The following CCDC92 variants were observed in gnomAD, a reference collection of about 807,000 sequenced individuals.
The protein encoded by CCDC92 is coiled-coil domain-containing protein 92.
A neutral mutation model predicts 24.9 loss-of-function variants in CCDC92; 12 were observed. That is an observed-to-expected ratio of 0.48 (90% confidence interval 0.31 to 0.78). The LOEUF is 0.78. Among genes scored for constraint, CCDC92 ranks in the 30% least tolerant of loss-of-function variants. The pLI, the probability that CCDC92 is intolerant of heterozygous loss-of-function variation, is 0.05. For synonymous variants in CCDC92, 193 were observed against 196.3 expected (o/e 0.98, Z 0.14); for missense variants, 399 against 439.4 (o/e 0.91, Z 0.82).
intron 1 of CCDC92, chr12:123,968,488 T>C (rs993566249): frequency 6.6e-6 from 1 of 152,226 alleles, no homozygotes; most frequent in Non-Finnish European, 1.5e-5. Context: ...ATCTGTGATT[T>C]TTTTTCCTGA....
At chr12:123,962,470 GACAA>G (rs933719041) in intron 1 of CCDC92, 2 of 152,152 alleles carry the variant, frequency 1.3e-5, no homozygotes, top group Non-Finnish European at 2.9e-5. Context: ...CTTTTTTGAA[GACAA>G]ACACTTTTAA....
intron 1 of CCDC92, among the ~76,000 whole-genome samples, chr12:123,955,031 C>T (rs1956118671): frequency 6.6e-6 from 1 of 152,232 alleles, no homozygotes; most frequent in African/African-American, 2.4e-5. Flanking sequence ...CCTTCCTGCC[C>T]TCCGTGCATC....
intron 1 of CCDC92, chr12:123,966,451 T>C (rs1274960437): frequency 6.6e-6 from 1 of 152,180 alleles, no homozygotes. Flanking sequence ...TTTTGAGAAA[T>C]AGCTAAGTCT....
chr12:123,960,912 A>G (rs947294063), intron 1 of CCDC92: 4 of 152,164 alleles, frequency 2.6e-5, no homozygotes, highest in African/African-American at 9.7e-5. Context: ...TTGCTTTTTA[A>G]AGTTTACAAG....
At chr12:123,969,335 A>G (rs1956466401) in intron 1 of CCDC92, among the ~76,000 whole-genome samples, 1 of 152,174 alleles carries the variant, frequency 6.6e-6, no homozygotes, top group Non-Finnish European at 1.5e-5. Context: ...CATCCAATGC[A>G]ACTTAATGTA....
intron 1 of CCDC92, among the ~76,000 whole-genome samples, chr12:123,953,773 G>A (rs573955846): frequency 3.5e-4 from 45 of 130,210 alleles, no homozygotes; most frequent in African/African-American, 1.1e-3. Context: ...GCAAGACTCC[G>A]TCTCAAAAAC....
intron 1 of CCDC92, chr12:123,966,691 A>T (rs1277670573): frequency 6.6e-6 from 1 of 152,252 alleles, no homozygotes; most frequent in Non-Finnish European, 1.5e-5. Context: ...GGAATGGCTA[A>T]TTTGCTGCTT....
chr12:123,961,023 A>C (rs1438646765), intron 1 of CCDC92: 2 of 152,248 alleles, frequency 1.3e-5, no homozygotes, highest in African/African-American at 4.8e-5. Context: ...CTGTGTACTC[A>C]GTCCTATGCT....
At chr12:123,952,789 A>G (rs1001335227) in intron 1 of CCDC92, among the ~76,000 whole-genome samples, 1 of 152,272 alleles carries the variant, frequency 6.6e-6, no homozygotes, top group South Asian at 2.1e-4. Context: ...GTGGAAGCAA[A>G]AAGTAGAAGG....
chr12:123,940,607 T>A (rs1022364548), intron 4 of CCDC92, among the ~76,000 whole-genome samples: 1 of 152,134 alleles, frequency 6.6e-6, no homozygotes, highest in Non-Finnish European at 1.5e-5. Flanking sequence ...CCACTCCACC[T>A]CCTCCTCTGT....
intron 1 of CCDC92, among the ~76,000 whole-genome samples, chr12:123,967,233 T>A (rs1406929493): frequency 6.6e-6 from 1 of 151,670 alleles, no homozygotes; most frequent in African/African-American, 2.4e-5. Context: ...TCTATTCTAC[T>A]AGAACGTTCT....
At chr12:123,964,113 T>TCCA (rs1956336777) in intron 1 of CCDC92, among the ~76,000 whole-genome samples, 1 of 152,216 alleles carries the variant, frequency 6.6e-6, no homozygotes, top group Admixed American at 6.5e-5. Flanking sequence ...AAGTAATTAG[T>TCCA]GCTGCGCTGG....
At chr12:123,942,103 TA>T (rs1955702666) in intron 4 of CCDC92, among the ~76,000 whole-genome samples, 1 of 152,238 alleles carries the variant, frequency 6.6e-6, no homozygotes, top group Non-Finnish European at 1.5e-5. Context: ...CACCCTGTTT[TA>T]GGGAGCAGGC....
Position 123,971,440 on chromosome 12 carries a change from AGTC to A in CCDC92, c.-60+1086_-60+1088del, listed in dbSNP as rs984152167. On this transcript the variant is annotated intron_variant, in intron 1 of 4. Transcript: ENST00000238156. ...ATGAGCAAAAAAAAAAAAAAAGAAAAGTCGTTTTATCAATACCAATGCTCTTTA... is the reference window on the plus strand; with the variant it reads ...ATGAGCAAAAAAAAAAAAAAAGAAAAGTTTTATCAATACCAATGCTCTTTA... 110 of 152,250 alleles carry A rather than the reference AGTC, an allele frequency of 7.2e-4. 1 individual carries two copies. The highest frequency in any genetic ancestry group is 2.6e-3 in the African/African-American group (106 of 41,556). The allele number at this position is 152,250 out of a possible 1,614,324, so 9.4% of individuals were successfully genotyped here.
intron 2 of CCDC92, 47 bp from the exon 3 acceptor site, chr12:123,943,540 G>A: frequency 6.2e-7 from 1 of 1,609,264 alleles, no homozygotes; most frequent in Middle Eastern, 1.7e-4. Flanking sequence ...GAGGGTCCCA[G>A]GGCTGCCTGC....
intron 1 of CCDC92, chr12:123,966,024 T>C (rs1956384987): frequency 6.6e-6 from 1 of 152,234 alleles, no homozygotes; most frequent in Non-Finnish European, 1.5e-5. Flanking sequence ...CTTTAGTAAT[T>C]TCACTGGGTA....
intron 1 of CCDC92, chr12:123,966,706 C>G (rs902399821): frequency 3.9e-5 from 6 of 152,270 alleles, no homozygotes; most frequent in African/African-American, 1.4e-4. Flanking sequence ...CTGCTTTCCA[C>G]TTAAATTTCA....
chr12:123,940,451 G>A (rs1319757056), intron 4 of CCDC92, among the ~76,000 whole-genome samples: 5 of 152,094 alleles, frequency 3.3e-5, no homozygotes, highest in Admixed American at 1.3e-4. Flanking sequence ...GATGTTTACC[G>A]GCCCCGACTT....
intron 1 of CCDC92, among the ~76,000 whole-genome samples, chr12:123,968,832 G>C (rs1204016341): frequency 6.6e-6 from 1 of 152,242 alleles, no homozygotes; most frequent in Non-Finnish European, 1.5e-5. Flanking sequence ...AAACTCATCT[G>C]CTAGAGAACG....
Sources: gnomAD v4.1 joint callset for allele counts (sites outside exome capture counted in the v4.1 genomes callset) on GRCh38, gnomAD v4.1.1 for gene constraint, MANE v1.5 for transcripts, NCBI Gene and HGNC (gene_info 2026-07-23, HGNC 2026-07-21) for gene names.